CDH12: variants seen among roughly 807,000 people sequenced by gnomAD.
The protein encoded by CDH12 is cadherin 12, also known as cadherin-12.
A neutral mutation model predicts 74.1 loss-of-function variants in CDH12; 41 were observed. That is an observed-to-expected ratio of 0.55 (90% CI 0.43 to 0.72). The LOEUF is 0.72. CDH12 is among the 30% of genes least tolerant of loss of function. CDH12 has a pLI of 0.00. For synonymous variants in CDH12, 399 were observed against 355.0 expected, an observed-to-expected ratio of 1.12 and a Z score of -1.39; for missense variants, 945 against 977.2, an observed-to-expected ratio of 0.97 and a Z score of 0.44.
intron 4 of CDH12, among the ~76,000 whole-genome samples, chr5:22,199,230 T>C (rs929420378): frequency 1.3e-5 from 2 of 152,210 alleles, no homozygotes; most frequent in African/African-American, 4.8e-5. Context: ...AATAGGACAC[T>C]AATACAATAG....
chr5:22,137,610 CA>C (rs1344191917), intron 4 of CDH12, among the ~76,000 whole-genome samples: 1 of 152,074 alleles, frequency 6.6e-6, no homozygotes, highest in Non-Finnish European at 1.5e-5. Context: ...ATCAATTTCC[CA>C]GGAGCAATTG....
intron 1 of CDH12, among the ~76,000 whole-genome samples, chr5:22,777,574 C>T (rs1747166724): frequency 6.6e-6 from 1 of 151,666 alleles, no homozygotes; most frequent in Non-Finnish European, 1.5e-5. Flanking sequence ...AATAAAACAT[C>T]TTTCATTTGG....
At chr5:22,629,167 A>G (rs1456609954) in intron 1 of CDH12, among the ~76,000 whole-genome samples, 1 of 152,054 alleles carries the variant, frequency 6.6e-6, no homozygotes, top group African/African-American at 2.4e-5. Flanking sequence ...GTTATTCCAG[A>G]CATATAAAAA....
intron 1 of CDH12, among the ~76,000 whole-genome samples, chr5:22,543,147 C>T (rs1332831742): frequency 6.6e-6 from 1 of 151,912 alleles, no homozygotes; most frequent in African/African-American, 2.4e-5. Context: ...ACCTTAAATG[C>T]CAAATGAGGT....
intron 3 of CDH12, among the ~76,000 whole-genome samples, chr5:22,371,706 T>A (rs1404438947): frequency 6.6e-6 from 1 of 152,198 alleles, no homozygotes; most frequent in Non-Finnish European, 1.5e-5. Flanking sequence ...TAAAATCAAT[T>A]AAGTATATAG....
At chr5:22,318,868 C>T (rs948318114) in intron 3 of CDH12, among the ~76,000 whole-genome samples, 2 of 151,950 alleles carry the variant, frequency 1.3e-5, no homozygotes, top group African/African-American at 4.8e-5. Flanking sequence ...TTAAAATATG[C>T]CTGTCTGGTA....
chr5:21,967,976 G>T (rs1337900942), intron 6 of CDH12, among the ~76,000 whole-genome samples: 1 of 152,132 alleles, frequency 6.6e-6, no homozygotes, highest in African/African-American at 2.4e-5. Flanking sequence ...TCAACGGCTT[G>T]TCTCCACACA....
At chr5:22,381,422 A>ACAAATATAAG (rs1741753853) in intron 3 of CDH12, among the ~76,000 whole-genome samples, 1 of 152,076 alleles carries the variant, frequency 6.6e-6, no homozygotes, top group Non-Finnish European at 1.5e-5. Flanking sequence ...ATTTCATTTT[A>ACAAATATAAG]TTCTATTTCA....
chr5:22,031,355 TAAAAA>T (rs1329276522), intron 5 of CDH12, among the ~76,000 whole-genome samples: 3 of 151,936 alleles, frequency 2.0e-5, no homozygotes, highest in African/African-American at 7.3e-5. Context: ...TAAAATAAAA[TAAAAA>T]GAGAGAGAAT....
chr5:21,997,484 G>T (rs1736363877), intron 5 of CDH12, among the ~76,000 whole-genome samples: 2 of 152,074 alleles, frequency 1.3e-5, no homozygotes, highest in South Asian at 2.1e-4. Flanking sequence ...TATGTCAAAA[G>T]TGAGAGCTGT....
chr5:21,781,998 G>A (rs1340749303), intron 11 of CDH12, among the ~76,000 whole-genome samples: 1 of 152,128 alleles, frequency 6.6e-6, no homozygotes, highest in Non-Finnish European at 1.5e-5. Context: ...AATTTTGTGG[G>A]TAAGAATTTG....
chr5:22,130,372 T>C (rs1746117021), intron 4 of CDH12, among the ~76,000 whole-genome samples: 1 of 151,974 alleles, frequency 6.6e-6, no homozygotes, highest in Non-Finnish European at 1.5e-5. Context: ...AGTAAGGGGG[T>C]GATGGACATT....
intron 5 of CDH12, among the ~76,000 whole-genome samples, chr5:22,020,873 A>T (rs903651363): frequency 4.6e-5 from 7 of 152,306 alleles, no homozygotes; most frequent in Admixed American, 3.9e-4. Flanking sequence ...AGTACATAGC[A>T]CAGGGACTAT....
chr5:22,687,543 G>A (rs1291616417), intron 1 of CDH12, among the ~76,000 whole-genome samples: 1 of 152,012 alleles, frequency 6.6e-6, no homozygotes, highest in Non-Finnish European at 1.5e-5. Context: ...AAGTAGCTGG[G>A]ACTACAGGCA....
At chr5:22,678,045 G>GGCC (rs1554058350) in intron 1 of CDH12, among the ~76,000 whole-genome samples, 2 of 19,564 alleles carry the variant, frequency 1.0e-4, no homozygotes, top group African/African-American at 1.7e-4. Flanking sequence ...CCATCCTCAT[G>GGCC]GGGGGGGGGG....
chr5:22,309,368 C>A (rs559908009), intron 3 of CDH12, among the ~76,000 whole-genome samples: 1 of 152,008 alleles, frequency 6.6e-6, no homozygotes, highest in Admixed American at 6.5e-5. Context: ...GAAAAGAGAA[C>A]AAAACAGGTA....
At chr5:22,817,111 T>C (rs1389618866) in intron 1 of CDH12, among the ~76,000 whole-genome samples, 1 of 152,102 alleles carries the variant, frequency 6.6e-6, no homozygotes, top group Non-Finnish European at 1.5e-5. Context: ...AGTCGTAATA[T>C]TTCTGTTCAG....
At chr5:22,317,120 C>G (rs1561307902) in intron 3 of CDH12, among the ~76,000 whole-genome samples, 1 of 152,048 alleles carries the variant, frequency 6.6e-6, no homozygotes, top group Non-Finnish European at 1.5e-5. Context: ...GAGTTCGAGA[C>G]CAGCCTGGCC....
chr5:22,087,953 A>T (rs1353685657), intron 4 of CDH12, among the ~76,000 whole-genome samples: 1 of 152,166 alleles, frequency 6.6e-6, no homozygotes, highest in Non-Finnish European at 1.5e-5. Context: ...TTCCAGTTGT[A>T]GTAATACCAT....
Sources: gnomAD v4.1 joint callset for allele counts (sites outside exome capture counted in the v4.1 genomes callset) on GRCh38, gnomAD v4.1.1 for gene constraint, MANE v1.5 for transcripts, NCBI Gene and HGNC (gene_info 2026-07-23, HGNC 2026-07-21) for gene names.